The following KIRREL3 variants were observed in gnomAD, a reference collection of about 807,000 sequenced individuals.
KIRREL3 encodes kirre like nephrin family adhesion molecule 3.
Under a neutral mutation model 89.7 loss-of-function variants are expected in KIRREL3, and 36 were observed. The ratio of observed to expected loss-of-function variants is 0.40; its 90% CI spans 0.31 to 0.53. The LOEUF (loss-of-function observed/expected upper bound fraction) is 0.53. KIRREL3 is among the 20% of genes least tolerant of loss of function. KIRREL3 has a pLI of 0.49. For synonymous variants in KIRREL3, 445 were observed against 441.4 expected, an observed-to-expected ratio of 1.01 and a Z score of -0.10; for missense variants, 864 against 1,056.6, an observed-to-expected ratio of 0.82 and a Z score of 2.53.
chr11:126,807,266 C>G lies in KIRREL3; in HGVS notation c.55+193189G>C, dbSNP rs1221400683. On this transcript the variant is annotated intron_variant, in intron 1 of 16. Transcript: ENST00000525144. This position sits in a 1 kb window ranked among gnomAD's most constrained non-coding sequence, Gnocchi z 4.3. ...TATACTTCTAACAAAGAAATGTCAT[C>G]TGAAATTTTACAATGGAGCACAGGA... is the stretch of plus-strand genomic sequence containing the variant. Among the ~76,000 whole-genome samples the G allele has an allele frequency of 6.6e-6, 1 of 152,154 alleles. No individual in the cohort carries two copies. The highest frequency in any genetic ancestry group is 1.5e-5 in the Non-Finnish European group (1 of 68,024).
chr11:126,923,198 CTTCT>C (rs1223162348), intron 1 of KIRREL3, among the ~76,000 whole-genome samples: 170 of 7,186 alleles, frequency 0.024, 45 homozygotes, highest in Non-Finnish European at 0.028. Flanking sequence ...TCTTCTTCTT[CTTCT>C]TCTTCTTCTT....
chr11:126,758,765 G>A (rs1173763410), intron 1 of KIRREL3, among the ~76,000 whole-genome samples: 3 of 152,108 alleles, frequency 2.0e-5, no homozygotes, highest in East Asian at 1.9e-4. Context: ...AATAACTATC[G>A]CATTTGCATA....
chr11:126,984,605 C>T (rs535182442), intron 1 of KIRREL3, among the ~76,000 whole-genome samples: 279 of 152,296 alleles, frequency 1.8e-3, no homozygotes, highest in African/African-American at 6.4e-3. Context: ...GCCTCATTTA[C>T]AAGAGAGGGC....
At chr11:126,732,154 T>C (rs930277423) in intron 1 of KIRREL3, among the ~76,000 whole-genome samples, 1 of 152,222 alleles carries the variant, frequency 6.6e-6, no homozygotes, top group Non-Finnish European at 1.5e-5. Context: ...TAAGGATTCC[T>C]ACAGGAATGG....
chr11:126,425,741 G>C lies in KIRREL3; in HGVS notation c.1807-17C>G, dbSNP rs530918880. The C allele has an allele frequency of 1.1e-5, 18 of 1,581,110 alleles. No individual in the cohort carries two copies. The highest frequency in any genetic ancestry group is 2.7e-5 in the African/African-American group (2 of 74,320). On this transcript the variant is annotated splice_polypyrimidine_tract_variant and intron_variant, in intron 15 of 16. Coordinates refer to ENST00000525144, the MANE Select transcript of KIRREL3 (RefSeq NM_032531.4). ...CCGGTCCATCTGCAACCCAAAAAAG[G>C]CTGCTCAGTAGATAGGAGGTGGCTA...
chr11:126,599,436 G>T (rs1445952347), intron 1 of KIRREL3, among the ~76,000 whole-genome samples: 1 of 152,116 alleles, frequency 6.6e-6, no homozygotes, highest in Non-Finnish European at 1.5e-5. Flanking sequence ...AAATGAAAAG[G>T]TGACCAGCTC....
chr11:126,907,028 C>T (rs1432917048), intron 1 of KIRREL3, among the ~76,000 whole-genome samples: 1 of 152,212 alleles, frequency 6.6e-6, no homozygotes, highest in African/African-American at 2.4e-5. Context: ...TGCTCTCATG[C>T]ATGTCAACCC....
At position 126,778,942 on chromosome 11, in the gene KIRREL3, G is replaced by A. The variant is rs1950245276; in HGVS notation, c.56-216030C>T. On this transcript the variant is annotated intron_variant, in intron 1 of 16. Transcript: ENST00000525144. The surrounding 1 kb of genome is among the most constrained non-coding windows in gnomAD (Gnocchi z 4.5). ...ACCTGTTTCTGAACACACACACAAG[G>A]TAATACATGTAAGAGCACCTAGCGC... Among the ~76,000 whole-genome samples, 1 of 152,172 alleles carries A rather than the reference G, an allele frequency of 6.6e-6. No homozygotes were observed. The highest frequency in any genetic ancestry group is 2.4e-5 in the African/African-American group (1 of 41,436).
chr11:126,878,899 A>C (rs1207037202), intron 1 of KIRREL3, among the ~76,000 whole-genome samples: 1 of 152,230 alleles, frequency 6.6e-6, no homozygotes, highest in Non-Finnish European at 1.5e-5. Context: ...GTCCTCAAAG[A>C]GAAATGGTGT....
chr11:126,629,214 G>A (rs994959525), intron 1 of KIRREL3, among the ~76,000 whole-genome samples: 2 of 152,148 alleles, frequency 1.3e-5, no homozygotes, highest in Non-Finnish European at 2.9e-5. Flanking sequence ...AGCTGGGCGC[G>A]CTGTGTGGGT....
chr11:126,852,953 A>C (rs953413186), intron 1 of KIRREL3, among the ~76,000 whole-genome samples: 1 of 152,156 alleles, frequency 6.6e-6, no homozygotes, highest in African/African-American at 2.4e-5. Context: ...TCATTTGCCG[A>C]GTTCCTTGGG....
At chr11:126,738,989 A>T (rs1219061908) in intron 1 of KIRREL3, among the ~76,000 whole-genome samples, 1 of 152,212 alleles carries the variant, frequency 6.6e-6, no homozygotes, top group Admixed American at 6.5e-5. Context: ...GCTCAGATAT[A>T]TATTATCTAA....
Position 126,605,428 on chromosome 11 carries a change from C to T in KIRREL3, c.56-42516G>A, listed in dbSNP as rs374365328. ...TTGAGGCTCAGGGGGAGGAGTCCTG[C>T]GGTGACTGCTGTGAAGTGGTGTGGG... On this transcript the variant is annotated intron_variant, in intron 1 of 16. Coordinates refer to ENST00000525144, the MANE Select transcript of KIRREL3 (RefSeq NM_032531.4). This position sits in a 1 kb window ranked among gnomAD's most constrained non-coding sequence, Gnocchi z 5.7. Among the ~76,000 whole-genome samples the T allele has an allele frequency of 1.3e-5, 2 of 152,062 alleles. No individual in the cohort carries two copies. Among genetic ancestry groups the T allele is most frequent in the African/African-American group, 4.8e-5 (2 of 41,414 alleles).
intron 1 of KIRREL3, among the ~76,000 whole-genome samples, chr11:126,857,236 C>T (rs1055382094): frequency 6.6e-6 from 1 of 152,210 alleles, no homozygotes; most frequent in Non-Finnish European, 1.5e-5. Flanking sequence ...GGGTGCCCAG[C>T]CCACCCACCT....
rs1352151030 is a variant in KIRREL3, at chr11:126,795,789, C to T, written c.55+204666G>A. Among the ~76,000 whole-genome samples, 2 of 152,142 alleles carry T rather than the reference C, an allele frequency of 1.3e-5. No individual in the cohort carries two copies. Among genetic ancestry groups the T allele is most frequent in the African/African-American group, 4.8e-5 (2 of 41,424 alleles). ...ATTAAAAAGAATTACAGAGCCACTT[C>T]AACCACCAGTTCTTCTTCCCCCTGT... On this transcript the variant is annotated intron_variant, in intron 1 of 16. Transcript: ENST00000525144. This position sits in a 1 kb window ranked among gnomAD's most constrained non-coding sequence, Gnocchi z 4.1.
At chr11:126,774,775 C>T (rs924005278) in intron 1 of KIRREL3, among the ~76,000 whole-genome samples, 42 of 152,180 alleles carry the variant, frequency 2.8e-4, no homozygotes, top group African/African-American at 7.5e-4. Flanking sequence ...GAGACAGAGA[C>T]GCTGACCCAT....
intron 1 of KIRREL3, among the ~76,000 whole-genome samples, chr11:126,972,950 C>T (rs1020429596): frequency 1.3e-5 from 2 of 152,002 alleles, no homozygotes; most frequent in East Asian, 1.9e-4. Context: ...AGTTGATAGC[C>T]TTAAATTCTA....
intron 1 of KIRREL3, among the ~76,000 whole-genome samples, chr11:126,758,511 C>T (rs1309729106): frequency 6.6e-6 from 1 of 152,218 alleles, no homozygotes; most frequent in Admixed American, 6.5e-5. Flanking sequence ...CCAGTCATCT[C>T]ATCAGACATC....
rs1365804760 is a variant in KIRREL3, at chr11:126,989,814, A to G, written c.55+10641T>C. Among the ~76,000 whole-genome samples, 1 of 152,168 alleles carries G rather than the reference A, an allele frequency of 6.6e-6. No homozygotes were observed. The highest frequency in any genetic ancestry group is 1.5e-5 in the Non-Finnish European group (1 of 68,030). ...CAGGGCCTGTGGCCAGGATCCAGTT[A>G]TCTTGCCTGGAAGGATGTTCAAACA... is the stretch of plus-strand genomic sequence containing the variant. On this transcript the variant is annotated intron_variant, in intron 1 of 16. Transcript: ENST00000525144. The surrounding 1 kb of genome is among the most constrained non-coding windows in gnomAD (Gnocchi z 6.2).
Sources: gnomAD v4.1 joint callset for allele counts (sites outside exome capture counted in the v4.1 genomes callset) on GRCh38, gnomAD v4.1.1 for gene constraint, Gnocchi (gnomAD v3.1) non-coding constraint, MANE v1.5 for transcripts, NCBI Gene and HGNC (gene_info 2026-07-23, HGNC 2026-07-21) for gene names.